Variants in TRAPPC12 observed in about 807,000 individuals in gnomAD.
The protein encoded by TRAPPC12 is TPR repeat protein 15.
Under a neutral mutation model 69.2 loss-of-function variants are expected in TRAPPC12, and 61 were observed. The observed-to-expected ratio is 0.88, with a 90% CI of 0.72 to 1.09. The LOEUF is 1.09. Ranked by LOEUF, TRAPPC12 falls within the 50% of genes least tolerant of loss-of-function variation. The pLI, the probability that TRAPPC12 is intolerant of heterozygous loss-of-function variation, is 0.00. For missense variants in TRAPPC12, 1,101 were observed against 1,016.4 expected, an observed-to-expected ratio of 1.08 and a Z score of -1.13; for synonymous variants, 469 against 438.9, an observed-to-expected ratio of 1.07 and a Z score of -0.86.
At chr2:3,397,170 A>T (rs371945803) in intron 2 of TRAPPC12, among the ~76,000 whole-genome samples, 4 of 152,320 alleles carry the variant, frequency 2.6e-5, no homozygotes, top group African/African-American at 9.6e-5. Flanking sequence ...TAGCTTTTTC[A>T]TCTTCCTTTG....
intron 1 of TRAPPC12, among the ~76,000 whole-genome samples, chr2:3,387,119 G>A (rs1037295614): frequency 1.3e-5 from 2 of 152,144 alleles, no homozygotes; most frequent in African/African-American, 2.4e-5. Context: ...TAAAAGATGG[G>A]AGCAACCCAC....
chr2:3,456,035 T>C (rs905326310), intron 6 of TRAPPC12: 1 of 152,254 alleles, frequency 6.6e-6, no homozygotes, highest in African/African-American at 2.4e-5. Context: ...TTTTGTCAGT[T>C]TCTGTTCTTA....
chr2:3,434,226 T>C (rs1663624693), intron 5 of TRAPPC12, among the ~76,000 whole-genome samples: 1 of 152,228 alleles, frequency 6.6e-6, no homozygotes, highest in Admixed American at 6.5e-5. Context: ...TGCGCAGCGC[T>C]AGGAGCTGCT....
intron 5 of TRAPPC12, among the ~76,000 whole-genome samples, chr2:3,428,798 C>T (rs1663262739): frequency 6.6e-6 from 1 of 152,154 alleles, no homozygotes. Flanking sequence ...CCGACCCAGC[C>T]CCGCGCCCCC....
intron 2 of TRAPPC12, 85 bp from the exon 3 acceptor site, chr2:3,401,692 A>G: frequency 1.2e-6 from 1 of 842,804 alleles, no homozygotes. Flanking sequence ...GAGAAAAAAG[A>G]AATTGTGTTT....
chr2:3,440,266 T>C (rs1664125905), intron 5 of TRAPPC12, among the ~76,000 whole-genome samples: 1 of 152,254 alleles, frequency 6.6e-6, no homozygotes, highest in African/African-American at 2.4e-5. Flanking sequence ...GCATCGAATC[T>C]GTAGGTCAAG....
At chr2:3,454,724 C>G (rs1037830245) in intron 6 of TRAPPC12, 1 of 152,468 alleles carries the variant, frequency 6.6e-6, no homozygotes, top group African/African-American at 2.4e-5. Context: ...GGACCTCATT[C>G]CCCCTTCTCC....
intron 3 of TRAPPC12, among the ~76,000 whole-genome samples, chr2:3,411,627 A>G (rs913837716): frequency 3.3e-5 from 5 of 152,232 alleles, no homozygotes; most frequent in African/African-American, 4.8e-5. Flanking sequence ...GCTTCTATCA[A>G]TTTGTGTCTT....
chr2:3,463,008 T>A (rs1317532860), intron 8 of TRAPPC12: 1 of 464,614 alleles, frequency 2.2e-6, no homozygotes, highest in African/African-American at 2.0e-5. Flanking sequence ...TCACGGCCTG[T>A]AAACACGTGT....
chr2:3,403,246 T>TTTTTC (rs1553313243), intron 3 of TRAPPC12, among the ~76,000 whole-genome samples: 2 of 150,948 alleles, frequency 1.3e-5, no homozygotes, highest in African/African-American at 4.9e-5. Flanking sequence ...TTTTTTTTTT[T>TTTTTC]TTTGAGATGG....
chr2:3,426,002 T>G (rs946824688), intron 5 of TRAPPC12, among the ~76,000 whole-genome samples: 3 of 152,222 alleles, frequency 2.0e-5, no homozygotes, highest in South Asian at 2.1e-4. Context: ...ACGCCGGCTT[T>G]CTTTATTCCC....
chr2:3,446,171 C>T (rs929188676), intron 6 of TRAPPC12, among the ~76,000 whole-genome samples: 4 of 152,192 alleles, frequency 2.6e-5, no homozygotes, highest in Non-Finnish European at 5.9e-5. Flanking sequence ...AATACATAAC[C>T]GCACTTCAGG....
At position 3,387,818 on chromosome 2, in the gene TRAPPC12, CAT is replaced by C. The variant is rs1448154941; in HGVS notation, c.196_197del (p.Met66AspfsTer8). On this transcript the variant is annotated frameshift_variant, in exon 2 of 12. Transcript: ENST00000324266. LOFTEE classifies it high-confidence loss of function. ...CTCTCGCGGACAAGCTGAACGAACA[CAT>C]GATGGAGAGCGTCCTCATCTCTGAC... ...SPLADKLNEH[M>X]MESVLISDSP... 6.2e-7 allele frequency: 1 copy of C among 1,612,820 alleles called. No individual in the cohort carries two copies. Among genetic ancestry groups the C allele is most frequent in the Non-Finnish European group, 8.5e-7 (1 of 1,179,236 alleles).
rs77067235 is a variant in TRAPPC12, at chr2:3,439,365, C to T, written c.1418-4414C>T. Among the ~76,000 whole-genome samples the T allele has an allele frequency of 2.4e-3, 372 of 152,252 alleles. 3 individuals carry two copies. The highest frequency in any genetic ancestry group is 8.5e-3 in the African/African-American group (352 of 41,542). ...CTGGAGTCCAGTGGTGCAGTTATGGCCCACTGCAGCCTCAAGCCCCTGGGC... is the reference window on the plus strand; with the variant it reads ...CTGGAGTCCAGTGGTGCAGTTATGGTCCACTGCAGCCTCAAGCCCCTGGGC... On this transcript the variant is annotated intron_variant, in intron 5 of 11. Transcript: ENST00000324266.
intron 8 of TRAPPC12, chr2:3,462,957 C>T: frequency 2.1e-6 from 1 of 471,140 alleles, no homozygotes; most frequent in Non-Finnish European, 4.4e-6. Flanking sequence ...AATTAGACTG[C>T]AGAAGTCCTT....
intron 2 of TRAPPC12, among the ~76,000 whole-genome samples, chr2:3,391,832 T>C (rs1660840722): frequency 6.6e-6 from 1 of 152,174 alleles, no homozygotes. Context: ...GTTTCTTCCC[T>C]TCTCTCTCGG....
intron 1 of TRAPPC12, among the ~76,000 whole-genome samples, chr2:3,386,077 A>G (rs1300208830): frequency 2.0e-5 from 3 of 152,238 alleles, no homozygotes; most frequent in Admixed American, 1.3e-4. Context: ...TGAACCGGAA[A>G]CTTCTTCAAA....
chr2:3,431,472 C>A (rs193282674), intron 5 of TRAPPC12, among the ~76,000 whole-genome samples: 2 of 152,324 alleles, frequency 1.3e-5, no homozygotes, highest in African/African-American at 4.8e-5. Context: ...ATGTTGATAA[C>A]TTCATAATAA....
intron 6 of TRAPPC12, chr2:3,457,256 A>G: frequency 2.3e-6 from 1 of 441,668 alleles, no homozygotes; most frequent in Non-Finnish European, 4.5e-6. Context: ...CATTGGATTC[A>G]CATGGACAAA....
Sources: gnomAD v4.1 joint callset for allele counts (sites outside exome capture counted in the v4.1 genomes callset) on GRCh38, gnomAD v4.1.1 for gene constraint, MANE v1.5 for transcripts, NCBI Gene and HGNC (gene_info 2026-07-23, HGNC 2026-07-21) for gene names.